MACROD2: variants seen among roughly 807,000 people sequenced by gnomAD.
The protein encoded by MACROD2 is ADP-ribose glycohydrolase MACROD2.
In MACROD2, 36 loss-of-function variants were observed where a neutral mutation model predicts 70.4. The ratio of observed to expected loss-of-function variants is 0.51; its 90% CI spans 0.39 to 0.68. The LOEUF (loss-of-function observed/expected upper bound fraction) is 0.68, where lower values mean the gene tolerates loss of function less well. Ranked by LOEUF, MACROD2 falls within the 30% of genes least tolerant of loss-of-function variation. The pLI, the probability that MACROD2 is intolerant of heterozygous loss-of-function variation, is 0.00. For synonymous variants in MACROD2, 172 were observed against 178.8 expected (o/e 0.96, Z 0.30); for missense variants, 496 against 538.4 (o/e 0.92, Z 0.78).
At chr20:15,305,292 T>C (rs549431692) in intron 6 of MACROD2, among the ~76,000 whole-genome samples, 87 of 152,260 alleles carry the variant, frequency 5.7e-4, no homozygotes, top group African/African-American at 2.0e-3. Context: ...GCGCACCTAT[T>C]GAACATATTT....
chr20:14,442,074 AG>A (rs2084129934), intron 3 of MACROD2, among the ~76,000 whole-genome samples: 1 of 152,106 alleles, frequency 6.6e-6, no homozygotes, highest in Non-Finnish European at 1.5e-5. Context: ...GTTTGAGACC[AG>A]CCTGGCCAAC....
At chr20:15,894,750 C>T (rs542920077) in intron 10 of MACROD2, among the ~76,000 whole-genome samples, 4 of 152,298 alleles carry the variant, frequency 2.6e-5, no homozygotes, top group East Asian at 1.9e-4. Flanking sequence ...TCATGGCCAT[C>T]GTAGATTATG....
At chr20:14,001,213 A>G (rs191726697) in intron 1 of MACROD2, among the ~76,000 whole-genome samples, 35 of 152,266 alleles carry the variant, frequency 2.3e-4, no homozygotes, top group South Asian at 2.1e-3. Context: ...GCTGTGCTTC[A>G]TTTCCCTATC....
chr20:15,442,044 G>A (rs77019026), intron 7 of MACROD2, among the ~76,000 whole-genome samples: 4,122 of 152,142 alleles, frequency 0.027, 112 homozygotes, highest in East Asian at 0.11. Flanking sequence ...TAATTTCTAC[G>A]TCCTTGCTTG....
chr20:14,822,491 T>A (rs1214418734), intron 5 of MACROD2, among the ~76,000 whole-genome samples: 1 of 152,160 alleles, frequency 6.6e-6, no homozygotes, highest in Non-Finnish European at 1.5e-5. Flanking sequence ...TATCATGAGC[T>A]ATGGCTTGGC....
rs1247169944 is a variant in MACROD2, at chr20:15,665,723, G to A, written c.645+165876G>A. Among the ~76,000 whole-genome samples the A allele has an allele frequency of 4.6e-5, 7 of 152,214 alleles. No homozygotes were observed. The South Asian group carries it at 1.0e-3, about 22-fold the overall frequency. ...GTGCATCAAGCCATACTTGAAGCTT[G>A]AAGTGTCCCATTCCCTTATCCTGCT... On this transcript the variant is annotated intron_variant, in intron 8 of 17. Coordinates refer to ENST00000684519, the MANE Select transcript of MACROD2 (RefSeq NM_001351661.2).
At chr20:15,602,798 C>T (rs11905049) in intron 8 of MACROD2, among the ~76,000 whole-genome samples, 5,966 of 152,224 alleles carry the variant, frequency 0.039, 324 homozygotes, top group African/African-American at 0.13. Flanking sequence ...AAGATATTTC[C>T]TTCAACTACC....
intron 4 of MACROD2, among the ~76,000 whole-genome samples, chr20:14,561,508 G>A (rs892878448): frequency 6.6e-6 from 1 of 151,768 alleles, no homozygotes; most frequent in Non-Finnish European, 1.5e-5. Flanking sequence ...TAGGTGCAGG[G>A]TATACAAATG....
rs553011410 is a variant in MACROD2, at chr20:14,964,909, T to G, written c.419-265031T>G. On this transcript the variant is annotated intron_variant, in intron 5 of 17. Coordinates refer to ENST00000684519, the MANE Select transcript of MACROD2 (RefSeq NM_001351661.2). ...AGGTATAGGCGGAATACATACAGAATGAAAAACTGTATTTGTGAAACACTT... is the reference window on the plus strand; with the variant it reads ...AGGTATAGGCGGAATACATACAGAAGGAAAAACTGTATTTGTGAAACACTT... 1.8e-3 allele frequency among the ~76,000 whole-genome samples: 269 copies of G among 152,328 alleles called. 11 individuals carry two copies. The highest frequency in any genetic ancestry group is 0.017 in the Admixed American group (265 of 15,304).
intron 7 of MACROD2, among the ~76,000 whole-genome samples, chr20:15,485,077 T>C (rs888489918): frequency 2.0e-5 from 3 of 151,798 alleles, no homozygotes; most frequent in African/African-American, 7.3e-5. Flanking sequence ...ACTCCTTGCA[T>C]GTTGAACCGC....
chr20:14,032,381 A>G (rs1324956532), intron 2 of MACROD2, among the ~76,000 whole-genome samples: 3 of 151,948 alleles, frequency 2.0e-5, no homozygotes, highest in Non-Finnish European at 2.9e-5. Context: ...CTTCCAAATG[A>G]CCCTTCAAAA....
At chr20:15,994,870 A>C (rs1231729733) in intron 15 of MACROD2, among the ~76,000 whole-genome samples, 1 of 152,184 alleles carries the variant, frequency 6.6e-6, no homozygotes. Flanking sequence ...TGGGTATGAT[A>C]AATTGTATCA....
At chr20:15,234,491 A>G (rs2076996610) in intron 6 of MACROD2, among the ~76,000 whole-genome samples, 1 of 152,088 alleles carries the variant, frequency 6.6e-6, no homozygotes, top group Admixed American at 6.5e-5. Context: ...TTTTCTCTGT[A>G]AAACCTTGGG....
chr20:15,543,947 C>A (rs1600565506), intron 8 of MACROD2, among the ~76,000 whole-genome samples: 2 of 152,362 alleles, frequency 1.3e-5, no homozygotes, highest in Non-Finnish European at 2.9e-5. Flanking sequence ...TGCTAGACTG[C>A]TTACATCACA....
chr20:14,924,718 C>T (rs2074207622), intron 5 of MACROD2, among the ~76,000 whole-genome samples: 1 of 152,074 alleles, frequency 6.6e-6, no homozygotes, highest in Admixed American at 6.6e-5. Context: ...GTCTCTTTAT[C>T]CTACTTTAAA....
intron 17 of MACROD2, among the ~76,000 whole-genome samples, chr20:16,045,738 A>G (rs186962467): frequency 8.1e-4 from 123 of 152,222 alleles, no homozygotes; most frequent in South Asian, 4.4e-3. Flanking sequence ...AAGTTGAACT[A>G]TAAAGTAAAT....
intron 5 of MACROD2, among the ~76,000 whole-genome samples, chr20:15,065,412 T>G (rs1487950567): frequency 6.6e-6 from 1 of 152,068 alleles, no homozygotes; most frequent in Non-Finnish European, 1.5e-5. Flanking sequence ...TCCCAGCACT[T>G]TGGGAGGCCG....
intron 1 of MACROD2, among the ~76,000 whole-genome samples, chr20:14,001,638 T>C (rs2052734204): frequency 6.6e-6 from 1 of 152,186 alleles, no homozygotes. Flanking sequence ...CTCATGGTTC[T>C]GCAGGCAACA....
At chr20:14,941,490 G>T (rs1200078817) in intron 5 of MACROD2, among the ~76,000 whole-genome samples, 1 of 152,028 alleles carries the variant, frequency 6.6e-6, no homozygotes, top group Non-Finnish European at 1.5e-5. Context: ...TGAATTAGTG[G>T]AAAATTTCTG....
Sources: gnomAD v4.1 joint callset for allele counts (sites outside exome capture counted in the v4.1 genomes callset) on GRCh38, gnomAD v4.1.1 for gene constraint, MANE v1.5 for transcripts, NCBI Gene and HGNC (gene_info 2026-07-23, HGNC 2026-07-21) for gene names.